Variants in CPNE4 observed in about 807,000 individuals in gnomAD.
The protein encoded by CPNE4 is copine 4.
A neutral mutation model predicts 67.9 loss-of-function variants in CPNE4; 25 were observed. That is an observed-to-expected ratio of 0.37 (90% CI 0.27 to 0.51). CPNE4 has a LOEUF of 0.51. CPNE4 is among the 20% of genes least tolerant of loss of function. CPNE4 has a pLI of 0.93. For synonymous variants in CPNE4, 242 were observed against 244.9 expected, an observed-to-expected ratio of 0.99 and a Z score of 0.11; for missense variants, 464 against 690.8, an observed-to-expected ratio of 0.67 and a Z score of 3.68.
At chr3:131,645,273 T>A (rs989765) in intron 7 of CPNE4, among the ~76,000 whole-genome samples, 1 of 152,094 alleles carries the variant, frequency 6.6e-6, no homozygotes, top group Non-Finnish European at 1.5e-5. Flanking sequence ...ATAATATCTC[T>A]GCATCTTTTA....
At chr3:132,006,434 G>A (rs1277220573) in intron 1 of CPNE4, among the ~76,000 whole-genome samples, 1 of 152,072 alleles carries the variant, frequency 6.6e-6, no homozygotes, top group Non-Finnish European at 1.5e-5. Flanking sequence ...CAGCATAGAA[G>A]AAGCAAAGCC....
At chr3:131,740,026 C>T (rs537918400) in intron 2 of CPNE4, among the ~76,000 whole-genome samples, 1 of 152,332 alleles carries the variant, frequency 6.6e-6, no homozygotes, top group African/African-American at 2.4e-5. Flanking sequence ...CTTTTACCCA[C>T]AGAACCAATT....
chr3:131,664,157 G>A (rs1249525429), intron 7 of CPNE4, among the ~76,000 whole-genome samples: 1 of 152,138 alleles, frequency 6.6e-6, no homozygotes, highest in African/African-American at 2.4e-5. Context: ...GTCTCAGGGT[G>A]CTTATATGGT....
intron 2 of CPNE4, among the ~76,000 whole-genome samples, chr3:131,758,356 T>C (rs1444551442): frequency 1.3e-5 from 2 of 152,312 alleles, no homozygotes; most frequent in South Asian, 2.1e-4. Flanking sequence ...TGTGGAGCTT[T>C]AAAAATTGAC....
At chr3:131,610,323 A>G (rs1005675656) in intron 7 of CPNE4, among the ~76,000 whole-genome samples, 27 of 152,220 alleles carry the variant, frequency 1.8e-4, no homozygotes, top group African/African-American at 6.3e-4. Flanking sequence ...AACCCTTTGC[A>G]GGGCCAGTGA....
At chr3:131,905,591 G>A in intron 1 of CPNE4, 147 bp from the exon 2 acceptor site, 1 of 702,102 alleles carries the variant, frequency 1.4e-6, no homozygotes. Flanking sequence ...CCAACCCAGT[G>A]ACACAGTTCC....
chr3:131,611,775 C>T (rs938235427), intron 7 of CPNE4, among the ~76,000 whole-genome samples: 1 of 152,052 alleles, frequency 6.6e-6, no homozygotes, highest in African/African-American at 2.4e-5. Flanking sequence ...CACTCTCCTG[C>T]AATAGTTTCC....
upstream of CPNE4, among the ~76,000 whole-genome samples, chr3:132,038,484 G>A (rs1028180618): frequency 4.6e-5 from 7 of 152,200 alleles, no homozygotes; most frequent in Middle Eastern, 3.4e-3. Flanking sequence ...AAAAACCATA[G>A]GCAGAGGGCA....
intron 7 of CPNE4, among the ~76,000 whole-genome samples, chr3:131,642,801 T>C (rs2079571744): frequency 6.6e-6 from 1 of 152,224 alleles, no homozygotes; most frequent in African/African-American, 2.4e-5. Context: ...GTAAGTTTCC[T>C]GAGGCCTCCC....
In CPNE4 at chr3:131,534,935, C is replaced by A; in HGVS notation, c.*260G>T. On this transcript the variant is annotated 3_prime_UTR_variant, in exon 16 of 16. Coordinates refer to ENST00000429747, the MANE Select transcript of CPNE4 (RefSeq NM_130808.3). ...ATACAGATACCATTTTATTTCAAGG[C>A]GACATGCTGTAATGTAAATAGTAAG... 3.6e-6 allele frequency: 1 copy of A among 280,534 alleles called. No homozygotes were observed. The highest frequency in any genetic ancestry group is 6.6e-6 in the Non-Finnish European group (1 of 152,264). 17.4% of individuals were successfully genotyped at this position (280,534 alleles called of 1,614,324 possible).
chr3:131,783,152 T>G (rs1320804567), intron 2 of CPNE4, among the ~76,000 whole-genome samples: 1 of 152,126 alleles, frequency 6.6e-6, no homozygotes, highest in African/African-American at 2.4e-5. Flanking sequence ...ATGCAAGCCT[T>G]GGAATAAGCA....
At chr3:131,861,082 T>C (rs2057987503) in intron 2 of CPNE4, among the ~76,000 whole-genome samples, 1 of 152,242 alleles carries the variant, frequency 6.6e-6, no homozygotes, top group Admixed American at 6.5e-5. Flanking sequence ...TTAGACTTTC[T>C]GAAACATACA....
At chr3:131,896,231 A>G (rs992401224) in intron 2 of CPNE4, among the ~76,000 whole-genome samples, 10 of 152,062 alleles carry the variant, frequency 6.6e-5, no homozygotes, top group Non-Finnish European at 1.5e-4. Flanking sequence ...GTTTATGACT[A>G]ATTTTGATAA....
rs143232677 is a variant in CPNE4, at chr3:131,768,951, G to T, written c.181-45326C>A. Among the ~76,000 whole-genome samples the T allele has an allele frequency of 1.3e-3, 199 of 152,256 alleles. 1 individual carries two copies. Among genetic ancestry groups the T allele is most frequent in the African/African-American group, 4.7e-3 (195 of 41,554 alleles). ...TGTTTTAAATATTTAATAGGCCTGA[G>T]AACTAGGCAGAGCCAATTGTAATTA... On this transcript the variant is annotated intron_variant, in intron 2 of 15. Coordinates refer to ENST00000429747, the MANE Select transcript of CPNE4 (RefSeq NM_130808.3).
intron 1 of CPNE4, among the ~76,000 whole-genome samples, chr3:131,981,970 G>T (rs2072920431): frequency 2.0e-5 from 3 of 152,180 alleles, no homozygotes; most frequent in Admixed American, 2.0e-4. Context: ...TCTTCAGAGG[G>T]TCTGTGGGTC....
intron 11 of CPNE4, among the ~76,000 whole-genome samples, chr3:131,562,493 A>G (rs2107662017): frequency 6.6e-6 from 1 of 152,084 alleles, no homozygotes; most frequent in African/African-American, 2.4e-5. Flanking sequence ...GCATTTACCT[A>G]CTTTATCTTT....
intron 1 of CPNE4, among the ~76,000 whole-genome samples, chr3:132,000,811 C>T (rs908604958): frequency 2.7e-5 from 4 of 150,888 alleles, no homozygotes; most frequent in Non-Finnish European, 4.4e-5. Context: ...ACACCATTGC[C>T]CTTCAGCCTG....
intron 2 of CPNE4, among the ~76,000 whole-genome samples, chr3:131,827,201 A>T (rs561677722): frequency 2.0e-5 from 3 of 152,324 alleles, no homozygotes; most frequent in African/African-American, 7.2e-5. Context: ...AACCAAAGAC[A>T]CCAAATAATC....
chr3:131,944,417 C>T (rs2071488998), intron 1 of CPNE4, among the ~76,000 whole-genome samples: 1 of 152,036 alleles, frequency 6.6e-6, no homozygotes, highest in African/African-American at 2.4e-5. Flanking sequence ...GCTGCAGGTG[C>T]TGCGTGACTG....
Sources: allele counts gnomAD v4.1 joint callset (sites outside exome capture counted in the v4.1 genomes callset), GRCh38; gene constraint gnomAD v4.1.1; transcripts MANE v1.5; gene names NCBI Gene and HGNC (gene_info 2026-07-23, HGNC 2026-07-21).